Variants in TANC2 observed in about 807,000 individuals in gnomAD.
TANC2 encodes the protein tetratricopeptide repeat, ankyrin repeat and coiled-coil containing 2.
Under a neutral mutation model 210.5 loss-of-function variants are expected in TANC2, and 26 were observed. The ratio of observed to expected loss-of-function variants is 0.12; its 90% CI spans 0.09 to 0.17. The LOEUF is 0.17. Among genes scored for constraint, TANC2 ranks in the 10% least tolerant of loss-of-function variants. The pLI, the probability that TANC2 is intolerant of heterozygous loss-of-function variation, is 1.00. For synonymous variants in TANC2, 931 were observed against 967.1 expected (o/e 0.96, Z 0.69); for missense variants, 2,129 against 2,608.9 (o/e 0.82, Z 4.01).
At chr17:63,426,468 C>T (rs2049146270) in exon 28 of TANC2, 2 of 152,236 alleles carry the variant, frequency 1.3e-5, no homozygotes, top group Non-Finnish European at 2.9e-5. Context: ...TCATCAACTC[C>T]TTTTGTCATA....
In TANC2 at chr17:63,305,840, C is replaced by T. The variant is rs529582570; in HGVS notation, c.1160-8548C>T. 1.6e-4 allele frequency among the ~76,000 whole-genome samples: 25 copies of T among 152,284 alleles called. No individual in the cohort carries two copies. The South Asian group carries it at 5.2e-3, about 32-fold the overall frequency. On this transcript the variant is annotated intron_variant, in intron 9 of 27. Transcript: ENST00000689528. ...TTTCAGGTCAAAGGGACAACCTGCC[C>T]TAAGGCACAGGAACTGGATTGGAGC... is the stretch of plus-strand genomic sequence containing the variant.
chr17:63,212,305 T>C (rs1173571088), intron 7 of TANC2, among the ~76,000 whole-genome samples: 1 of 152,238 alleles, frequency 6.6e-6, no homozygotes, highest in Middle Eastern at 3.2e-3. Flanking sequence ...TGATTAATTT[T>C]GGTAAAACGA....
In TANC2 at chr17:63,255,174, G is replaced by A. The variant is rs191454682; in HGVS notation, c.1034-12574G>A. ...GGCTGGAGTGCAGTGGCACTATCTC[G>A]GCTCACTGCAAGCTCCACCTCCCGG... On this transcript the variant is annotated intron_variant, in intron 8 of 27. Coordinates refer to ENST00000689528, the Ensembl canonical transcript of TANC2. 2.8e-3 allele frequency among the ~76,000 whole-genome samples: 419 copies of A among 150,968 alleles called. 6 individuals carry two copies. Among genetic ancestry groups the A allele is most frequent in the Admixed American group, 0.024 (362 of 15,160 alleles).
chr17:63,161,848 T>C (rs1413402814), intron 5 of TANC2, among the ~76,000 whole-genome samples: 1 of 152,136 alleles, frequency 6.6e-6, no homozygotes, highest in Admixed American at 6.5e-5. Flanking sequence ...TCCCAGTTGT[T>C]AAATATTTTT....
At chr17:63,324,698 T>A (rs2146663722) in intron 11 of TANC2, among the ~76,000 whole-genome samples, 1 of 152,304 alleles carries the variant, frequency 6.6e-6, no homozygotes, top group East Asian at 1.9e-4. Context: ...GACCCAGATT[T>A]CATCTACATT....
At chr17:63,266,754 A>G (rs1223766274) in intron 8 of TANC2, among the ~76,000 whole-genome samples, 1 of 152,218 alleles carries the variant, frequency 6.6e-6, no homozygotes, top group African/African-American at 2.4e-5. Flanking sequence ...CAGCAGCCAT[A>G]AAAAGATAAT....
chr17:63,361,495 G>GCAATAT, intron 14 of TANC2, among the ~76,000 whole-genome samples: 1 of 152,338 alleles, frequency 6.6e-6, no homozygotes, highest in East Asian at 1.9e-4. Flanking sequence ...GTGAGGCTGC[G>GCAATAT]GTTGTACCAA....
chr17:63,179,207 C>CAGAT (rs2040693393), intron 5 of TANC2, among the ~76,000 whole-genome samples: 1 of 152,124 alleles, frequency 6.6e-6, no homozygotes, highest in African/African-American at 2.4e-5. Context: ...ATTGTATCAT[C>CAGAT]AGATAATTCT....
intron 2 of TANC2, among the ~76,000 whole-genome samples, chr17:63,010,240 A>G (rs975460670): frequency 2.6e-5 from 4 of 152,092 alleles, no homozygotes; most frequent in African/African-American, 9.7e-5. Flanking sequence ...ATAAATTTAT[A>G]TTGGTACTGT....
chr17:63,370,705 G>A (rs1256584452), intron 14 of TANC2, among the ~76,000 whole-genome samples: 1 of 152,168 alleles, frequency 6.6e-6, no homozygotes, highest in African/African-American at 2.4e-5. Flanking sequence ...TTTCAGAGAC[G>A]CAGGCCAATG....
intron 5 of TANC2, among the ~76,000 whole-genome samples, chr17:63,188,358 C>G (rs1401129146): frequency 6.6e-6 from 1 of 151,708 alleles, no homozygotes; most frequent in African/African-American, 2.4e-5. Context: ...CTTTGAGAGG[C>G]CTAGGTGGGC....
At chr17:62,983,065 C>T (rs890439536) in intron 1 of TANC2, among the ~76,000 whole-genome samples, 3 of 152,100 alleles carry the variant, frequency 2.0e-5, no homozygotes, top group Non-Finnish European at 2.9e-5. Context: ...ATCATTTTAA[C>T]ACTCTTCTTC....
intron 2 of TANC2, among the ~76,000 whole-genome samples, chr17:63,048,373 G>C (rs534906643): frequency 2.6e-5 from 4 of 152,254 alleles, no homozygotes; most frequent in African/African-American, 9.6e-5. Flanking sequence ...TTTCACTTCT[G>C]ACTGTTCATG....
intron 2 of TANC2, among the ~76,000 whole-genome samples, chr17:63,049,157 A>G (rs183485857): frequency 2.0e-5 from 3 of 152,292 alleles, no homozygotes; most frequent in Admixed American, 6.5e-5. Flanking sequence ...TTCAACAGCT[A>G]TTTTTTGAGT....
At chr17:63,120,161 C>T (rs1488433438) in intron 4 of TANC2, among the ~76,000 whole-genome samples, 2 of 151,272 alleles carry the variant, frequency 1.3e-5, no homozygotes, top group South Asian at 4.2e-4. Context: ...TGACCATATC[C>T]TTTGGTATTT....
At chr17:63,177,461 A>G (rs1175641606) in intron 5 of TANC2, among the ~76,000 whole-genome samples, 1 of 151,982 alleles carries the variant, frequency 6.6e-6, no homozygotes, top group African/African-American at 2.4e-5. Flanking sequence ...TAGATTGAGC[A>G]GAAAATATAT....
rs1420139481 is a variant in TANC2 at position 63,397,655 on chromosome 17, CAA to C, written c.3238-1164_3238-1163del. Among the ~76,000 whole-genome samples the C allele has an allele frequency of 5.3e-5, 8 of 152,088 alleles. No homozygotes were observed. In the South Asian group the frequency reaches 1.0e-3, roughly 20 times the overall value. ...AGCTACCAGTGTGACATCACTGAAA[CAA>C]AGAGGGGAGGAGAAGCATAGTAGCA... On this transcript the variant is annotated intron_variant, in intron 18 of 27. Coordinates refer to ENST00000689528, the Ensembl canonical transcript of TANC2.
intron 2 of TANC2, among the ~76,000 whole-genome samples, chr17:63,063,569 T>TA (rs767683868): frequency 0.024 from 2,896 of 118,854 alleles, 68 homozygotes; most frequent in African/African-American, 0.034. Context: ...TGTGTGTGTG[T>TA]GTGTGTAGAT....
intron 4 of TANC2, among the ~76,000 whole-genome samples, chr17:63,124,222 TA>T (rs1171131426): frequency 1.3e-5 from 2 of 151,960 alleles, no homozygotes; most frequent in African/African-American, 4.8e-5. Context: ...GACCTCTCTC[TA>T]ACTTCAGTAT....
Sources: gnomAD v4.1 joint callset for allele counts (sites outside exome capture counted in the v4.1 genomes callset) on GRCh38, gnomAD v4.1.1 for gene constraint, MANE v1.5 for transcripts, NCBI Gene and HGNC (gene_info 2026-07-23, HGNC 2026-07-21) for gene names.